PEBP4: variants seen among roughly 807,000 people sequenced by gnomAD.
PEBP4 encodes phosphatidylethanolamine-binding protein 4.
PEBP4 carries 22 observed loss-of-function variants against 23.9 expected under a neutral mutation model. The observed-to-expected ratio is 0.92, with a 90% CI of 0.66 to 1.31. The LOEUF (loss-of-function observed/expected upper bound fraction) is 1.31. PEBP4 is among the 40% of genes most tolerant of loss of function. The probability of loss-of-function intolerance (pLI) is 0.00; values close to 1 mark genes in which losing one functional copy is unlikely to be tolerated. For missense variants in PEBP4, 324 were observed against 281.7 expected, an observed-to-expected ratio of 1.15 and a Z score of -1.07; for synonymous variants, 112 against 99.3, an observed-to-expected ratio of 1.13 and a Z score of -0.76.
rs911851315 is a variant in PEBP4, at chr8:22,865,434, G to A, written c.259-47699C>T. ...CGCGCTCCACCTGCGCCTCCAGGGC[G>A]TTGGGCGGGGGCCGCACTTTCCCCG... is the stretch of plus-strand genomic sequence containing the variant. On this transcript the variant is annotated intron_variant, in intron 3 of 6. Transcript: ENST00000256404. The surrounding 1 kb of genome is among the most constrained non-coding windows in gnomAD (Gnocchi z 6.9). Among the ~76,000 whole-genome samples the A allele has an allele frequency of 6.6e-6, 1 of 151,900 alleles. No individual in the cohort carries two copies. Among genetic ancestry groups the A allele is most frequent in the Non-Finnish European group, 1.5e-5 (1 of 67,914 alleles).
intron 4 of PEBP4, among the ~76,000 whole-genome samples, chr8:22,743,563 C>G (rs545550164): frequency 1.2e-4 from 18 of 152,286 alleles, no homozygotes; most frequent in Admixed American, 3.3e-4. Context: ...GGTTCCTGAG[C>G]CTGAAGCCCC....
At chr8:22,718,466 G>T (rs1804455956) in intron 6 of PEBP4, among the ~76,000 whole-genome samples, 1 of 152,248 alleles carries the variant, frequency 6.6e-6, no homozygotes, top group South Asian at 2.1e-4. Flanking sequence ...TGGGATGGCT[G>T]ATGTTCGGCT....
At chr8:22,772,716 G>T (rs1805740469) in intron 4 of PEBP4, among the ~76,000 whole-genome samples, 1 of 152,156 alleles carries the variant, frequency 6.6e-6, no homozygotes, top group Non-Finnish European at 1.5e-5. Context: ...TGAACTGAGA[G>T]GCTGGTCTGG....
chr8:22,906,349 G>A (rs1238131688), intron 3 of PEBP4, among the ~76,000 whole-genome samples: 1 of 152,224 alleles, frequency 6.6e-6, no homozygotes, highest in Non-Finnish European at 1.5e-5. Flanking sequence ...AGTTTGCCAA[G>A]TCAGTTCTGC....
intron 3 of PEBP4, among the ~76,000 whole-genome samples, chr8:22,861,631 G>T (rs1424919121): frequency 6.6e-6 from 1 of 152,156 alleles, no homozygotes; most frequent in East Asian, 1.9e-4. Flanking sequence ...TTAAAAGGGG[G>T]CCTGACCAGG....
chr8:22,916,930 A>T (rs1261078420), intron 3 of PEBP4, among the ~76,000 whole-genome samples: 1 of 152,202 alleles, frequency 6.6e-6, no homozygotes, highest in Non-Finnish European at 1.5e-5. Context: ...TCAGCCAGGG[A>T]TGTAGGTGGA....
At chr8:22,799,471 C>G (rs1375969167) in intron 4 of PEBP4, among the ~76,000 whole-genome samples, 3 of 152,240 alleles carry the variant, frequency 2.0e-5, no homozygotes, top group Non-Finnish European at 4.4e-5. Flanking sequence ...ATTGGGAGAA[C>G]TTTTCTGAAA....
intron 3 of PEBP4, among the ~76,000 whole-genome samples, chr8:22,914,845 C>G (rs904859833): frequency 6.6e-6 from 1 of 152,148 alleles, no homozygotes; most frequent in Admixed American, 6.5e-5. Context: ...CCCAGTGCTT[C>G]TCTGTGTCCC....
At chr8:22,801,500 C>A (rs1260941190) in intron 4 of PEBP4, among the ~76,000 whole-genome samples, 1 of 152,118 alleles carries the variant, frequency 6.6e-6, no homozygotes, top group Non-Finnish European at 1.5e-5. Flanking sequence ...AAGATGCATG[C>A]AGAAACAGAG....
chr8:22,765,438 C>T (rs1031776802), intron 4 of PEBP4, among the ~76,000 whole-genome samples: 1 of 152,178 alleles, frequency 6.6e-6, no homozygotes, highest in Admixed American at 6.5e-5. Flanking sequence ...GCTGCTGCAC[C>T]CAGCCCAGGT....
intron 3 of PEBP4, among the ~76,000 whole-genome samples, chr8:22,850,070 C>T (rs905426051): frequency 1.3e-5 from 2 of 151,684 alleles, no homozygotes; most frequent in African/African-American, 4.8e-5. Context: ...TCCTGGATCC[C>T]CCAGGAGCCC....
At chr8:22,931,698 C>T (rs1456098639), upstream of PEBP4, among the ~76,000 whole-genome samples, 1 of 152,180 alleles carries the variant, frequency 6.6e-6, no homozygotes, top group Non-Finnish European at 1.5e-5. Flanking sequence ...ATTCTCCTGC[C>T]TCAGCCTTCC....
intron 3 of PEBP4, chr8:22,884,182 A>G (rs1290872762): frequency 6.6e-6 from 1 of 152,224 alleles, no homozygotes; most frequent in Non-Finnish European, 1.5e-5. Context: ...GGGCTCCCAC[A>G]CAGAGAGCAG....
intron 3 of PEBP4, among the ~76,000 whole-genome samples, chr8:22,876,796 C>T (rs78153970): frequency 0.01 from 1,597 of 152,286 alleles, 20 homozygotes; most frequent in Non-Finnish European, 0.018. Flanking sequence ...TGGAGCAAAG[C>T]CAAAATCTGG....
chr8:22,770,399 C>T lies in PEBP4; in HGVS notation c.358-43179G>A, dbSNP rs550139975. On this transcript the variant is annotated intron_variant, in intron 4 of 6. Transcript: ENST00000256404. ...TGCCAGGCCAGCCTAGTCCCTGCTT[C>T]TCAAATGCTGTGTGTTCGATGCCCC... Among the ~76,000 whole-genome samples the T allele has an allele frequency of 2.6e-5, 4 of 152,376 alleles. No homozygotes were observed. The East Asian group carries it at 7.7e-4, about 29-fold the overall frequency.
At chr8:22,837,517 T>G (rs1807228420) in intron 3 of PEBP4, among the ~76,000 whole-genome samples, 4 of 152,176 alleles carry the variant, frequency 2.6e-5, no homozygotes, top group Admixed American at 2.6e-4. Context: ...GCCCTAAATA[T>G]AAACTTCATA....
intron 6 of PEBP4, among the ~76,000 whole-genome samples, chr8:22,722,044 G>C (rs71513899): frequency 6.6e-6 from 1 of 151,992 alleles, no homozygotes; most frequent in African/African-American, 2.4e-5. Context: ...CAGGTTCGTC[G>C]TCTCCAAAGA....
chr8:22,850,982 C>G lies in PEBP4; in HGVS notation c.259-33247G>C, dbSNP rs563200544. On this transcript the variant is annotated intron_variant, in intron 3 of 6. Transcript: ENST00000256404. ...AGACTCAGAAAGCATCTTGGGCATC[C>G]AACAGTTCTTAGGAAACAGCATTTG... 2.0e-4 allele frequency among the ~76,000 whole-genome samples: 30 copies of G among 152,314 alleles called. No individual in the cohort carries two copies. In the South Asian group the frequency reaches 5.8e-3, roughly 30 times the overall value.
rs1554476922 is a variant in PEBP4, at chr8:22,713,270, T to TAA, written c.*99_*100insTT. ...ACCAAGCCCTGGATGATTTTTTTTT[T>TAA]ATTTGGAAAAGAAGGGGTTCTGTAT... On this transcript the variant is annotated 3_prime_UTR_variant, in exon 7 of 7. Transcript: ENST00000256404. 8 of 1,411,032 alleles carry TAA rather than the reference T, an allele frequency of 5.7e-6. No individual in the cohort carries two copies. In the East Asian group the frequency reaches 1.6e-4, roughly 28 times the overall value. The allele number at this position is 1,411,032 out of a possible 1,614,324, so 87.4% of individuals were successfully genotyped here.
Sources: gnomAD v4.1 joint callset for allele counts (sites outside exome capture counted in the v4.1 genomes callset) on GRCh38, gnomAD v4.1.1 for gene constraint, Gnocchi (gnomAD v3.1) non-coding constraint, MANE v1.5 for transcripts, NCBI Gene and HGNC (gene_info 2026-07-23, HGNC 2026-07-21) for gene names.